Variants in GRK7 observed in about 807,000 individuals in gnomAD.
The protein encoded by GRK7 is G protein-coupled receptor kinase 7, also known as rhodopsin kinase GRK7.
GRK7 carries 24 observed loss-of-function variants against 34.1 expected under a neutral mutation model. That is an observed-to-expected ratio of 0.70 (90% CI 0.51 to 0.99). GRK7 has a LOEUF of 0.99. GRK7 is among the 50% of genes least tolerant of loss of function. The pLI is 0.00. For synonymous variants in GRK7, 256 were observed against 279.4 expected, an observed-to-expected ratio of 0.92 and a Z score of 0.84; for missense variants, 644 against 707.3, an observed-to-expected ratio of 0.91 and a Z score of 1.02.
chr3:141,782,812 G>GA (rs112938180), intron 4 of GRK7, among the ~76,000 whole-genome samples: 273 of 139,300 alleles, frequency 2.0e-3, no homozygotes, highest in South Asian at 0.013. Flanking sequence ...CTTAAAAAAA[G>GA]AAAAAAAAAA....
At chr3:141,804,865 AC>A (rs1711010388) in intron 4 of GRK7, among the ~76,000 whole-genome samples, 1 of 151,610 alleles carries the variant, frequency 6.6e-6, no homozygotes, top group South Asian at 2.1e-4. Context: ...ACGCTCTCAT[AC>A]ACATGCTCAC....
chr3:141,767,424 G>T (rs1251818042), intron 1 of GRK7, among the ~76,000 whole-genome samples: 3 of 151,250 alleles, frequency 2.0e-5, no homozygotes, highest in African/African-American at 4.9e-5. Flanking sequence ...TTGAGACAGG[G>T]TCTCCTTCGC....
intron 5 of GRK7, among the ~76,000 whole-genome samples, chr3:141,815,678 A>G (rs1269490951): frequency 6.7e-6 from 1 of 149,062 alleles, no homozygotes. Flanking sequence ...TATTAAAAAA[A>G]ACTATGGCTT....
rs1424236008 is a variant in GRK7, at chr3:141,818,734, A to T, written c.*1684A>T. Among the ~76,000 whole-genome samples the T allele has an allele frequency of 6.6e-6, 1 of 152,210 alleles. No individual in the cohort carries two copies. The highest frequency in any genetic ancestry group is 2.4e-5 in the African/African-American group (1 of 41,444). On this transcript the variant is annotated 3_prime_UTR_variant, in exon 6 of 6. Coordinates refer to ENST00000682958, the MANE Select transcript of GRK7 (RefSeq NM_139209.3). ...TAAATTTATCCCAGTGGTAAAAAAA[A>T]CCTGGCTGAAGTCAGTTTAAAAGTT...
intron 4 of GRK7, among the ~76,000 whole-genome samples, chr3:141,790,038 G>GT (rs2084716260): frequency 6.6e-6 from 1 of 152,170 alleles, no homozygotes; most frequent in Non-Finnish European, 1.5e-5. Flanking sequence ...GTCTCACTCT[G>GT]TAGCCCAGGC....
chr3:141,774,920 G>A (rs956293604), intron 2 of GRK7, among the ~76,000 whole-genome samples: 1 of 151,990 alleles, frequency 6.6e-6, no homozygotes, highest in Non-Finnish European at 1.5e-5. Flanking sequence ...AGCCTCTCAA[G>A]TAGCTGGGGC....
At chr3:141,780,350 CTCT>C (rs780990873) in intron 3 of GRK7, 21 bp from the exon 4 acceptor site, 95 of 1,598,826 alleles carry the variant, frequency 5.9e-5, no homozygotes, top group Non-Finnish European at 7.9e-5. Flanking sequence ...CTACCTCTTT[CTCT>C]TCTTTTCTTT....
chr3:141,783,771 C>T (rs1008231922), intron 4 of GRK7, among the ~76,000 whole-genome samples: 1 of 151,930 alleles, frequency 6.6e-6, no homozygotes, highest in Admixed American at 6.6e-5. Flanking sequence ...GGTGTTGATC[C>T]TGTGGGAAGG....
chr3:141,807,714 T>C lies in GRK7; in HGVS notation c.1120T>C (p.Trp374Arg). Residue 374 changes from tryptophan to arginine, a missense_variant, in exon 5 of 6, where the codon TGG (tryptophan) becomes CGG (arginine). Coordinates refer to ENST00000682958, the MANE Select transcript of GRK7 (RefSeq NM_139209.3). ...EKVSYSYPVD[W>R]FAMGCSIYEM... ...GGTAAGTTATTCCTATCCTGTGGAC[T>C]GGTTTGCCATGGGATGCAGCATTTA... is the stretch of plus-strand genomic sequence containing the variant. The C allele has an allele frequency of 1.9e-6, 3 of 1,613,976 alleles. No homozygotes were observed. The highest frequency in any genetic ancestry group is 2.5e-6 in the Non-Finnish European group (3 of 1,179,790).
intron 5 of GRK7, among the ~76,000 whole-genome samples, chr3:141,808,741 G>A (rs1427229325): frequency 6.6e-6 from 1 of 151,852 alleles, no homozygotes; most frequent in Non-Finnish European, 1.5e-5. Flanking sequence ...TAAGTAGAAC[G>A]GCAGTTTCCT....
chr3:141,797,761 C>T (rs1710906804), intron 4 of GRK7, among the ~76,000 whole-genome samples: 1 of 152,138 alleles, frequency 6.6e-6, no homozygotes, highest in African/African-American at 2.4e-5. Flanking sequence ...GTCGCTAATC[C>T]AGCCTGGCCC....
At chr3:141,787,343 G>A (rs533194155) in intron 4 of GRK7, among the ~76,000 whole-genome samples, 1 of 152,182 alleles carries the variant, frequency 6.6e-6, no homozygotes, top group Non-Finnish European at 1.5e-5. Context: ...GTGGAGAAGG[G>A]CTGGGTGCTA....
intron 4 of GRK7, among the ~76,000 whole-genome samples, chr3:141,794,702 G>A (rs940515709): frequency 6.6e-6 from 1 of 152,198 alleles, no homozygotes; most frequent in South Asian, 2.1e-4. Context: ...TTGTAATCCA[G>A]GTAAGAGGTG....
chr3:141,762,860 G>A (rs1225203587), upstream of GRK7, among the ~76,000 whole-genome samples: 2 of 152,214 alleles, frequency 1.3e-5, no homozygotes, highest in Non-Finnish European at 2.9e-5. Context: ...TCTGAAAAGC[G>A]CAATATTCGG....
At chr3:141,811,148 C>A (rs1421340465) in intron 5 of GRK7, among the ~76,000 whole-genome samples, 1 of 151,948 alleles carries the variant, frequency 6.6e-6, no homozygotes, top group Admixed American at 6.6e-5. Context: ...AACCCCCTCT[C>A]TACTAAAAAA....
intron 1 of GRK7, among the ~76,000 whole-genome samples, chr3:141,767,901 G>T (rs1372743978): frequency 6.6e-6 from 1 of 152,086 alleles, no homozygotes; most frequent in Non-Finnish European, 1.5e-5. Flanking sequence ...GTTTTTTCTG[G>T]TCTGTTTTCT....
At chr3:141,804,044 C>T (rs1271504780) in intron 4 of GRK7, among the ~76,000 whole-genome samples, 1 of 152,188 alleles carries the variant, frequency 6.6e-6, no homozygotes, top group Non-Finnish European at 1.5e-5. Context: ...AATAATACTC[C>T]TTGTATATCA....
intron 4 of GRK7, among the ~76,000 whole-genome samples, chr3:141,785,293 A>G (rs1307877228): frequency 1.3e-5 from 2 of 152,180 alleles, no homozygotes; most frequent in Non-Finnish European, 2.9e-5. Flanking sequence ...ACTAAATATA[A>G]CAGAATACCA....
intron 5 of GRK7, among the ~76,000 whole-genome samples, chr3:141,815,847 C>G (rs1334167981): frequency 6.6e-6 from 1 of 151,930 alleles, no homozygotes; most frequent in African/African-American, 2.4e-5. Flanking sequence ...GAAGCAAATC[C>G]CCCAGCCTCA....
Sources: gnomAD v4.1 joint callset for allele counts (sites outside exome capture counted in the v4.1 genomes callset) on GRCh38, gnomAD v4.1.1 for gene constraint, MANE v1.5 for transcripts, NCBI Gene and HGNC (gene_info 2026-07-23, HGNC 2026-07-21) for gene names.